Variants in RARB observed in about 807,000 individuals in gnomAD.
RARB encodes HBV-activated protein.
In RARB, 17 loss-of-function variants were observed where a neutral mutation model predicts 51.9. The observed-to-expected ratio is 0.33, with a 90% CI of 0.22 to 0.49. The LOEUF (loss-of-function observed/expected upper bound fraction) is 0.49, where lower values mean the gene tolerates loss of function less well. RARB is among the 20% of genes least tolerant of loss of function. RARB has a pLI of 0.99. For synonymous variants in RARB, 215 were observed against 195.4 expected (o/e 1.10, Z -0.84); for missense variants, 369 against 550.8 (o/e 0.67, Z 3.30).
At chr3:24,958,515 G>C (rs1696072300) in intron 2 of RARB, among the ~76,000 whole-genome samples, 1 of 152,030 alleles carries the variant, frequency 6.6e-6, no homozygotes, top group Non-Finnish European at 1.5e-5. Context: ...AATGCCTGCT[G>C]CTCTCTTTAG....
chr3:25,546,066 C>T (rs938507831), intron 3 of RARB, among the ~76,000 whole-genome samples: 1 of 151,402 alleles, frequency 6.6e-6, no homozygotes, highest in African/African-American at 2.4e-5. Context: ...GAGAGGGCAC[C>T]CAGGCAGAGG....
At chr3:25,486,152 T>C (rs774515814) in intron 2 of RARB, among the ~76,000 whole-genome samples, 3 of 152,206 alleles carry the variant, frequency 2.0e-5, no homozygotes, top group Non-Finnish European at 4.4e-5. Flanking sequence ...AGACTGGGCT[T>C]TCTTTAGCTC....
chr3:25,412,349 G>C (rs1707584786), intron 5 of RARB, among the ~76,000 whole-genome samples: 2 of 152,122 alleles, frequency 1.3e-5, no homozygotes, highest in Admixed American at 1.3e-4. Flanking sequence ...AGGGGGCCTA[G>C]TTATATAGAT....
At chr3:25,462,670 G>A (rs538125307) in intron 2 of RARB, 3 of 152,342 alleles carry the variant, frequency 2.0e-5, no homozygotes, top group South Asian at 2.1e-4. Context: ...AGCAGTTTCA[G>A]CCAAACTCAT....
chr3:25,097,367 A>G lies in RARB; in HGVS notation c.-327-34794A>G, dbSNP rs367710640. The stretch of plus-strand genomic sequence containing the variant: ...TGCAGGTACTAAAAAAGAAAGTAAC[A>G]TGAAAACATTGAGGGGGTTACTTGA... On this transcript the variant is annotated intron_variant, in intron 3 of 11. Transcript: ENST00000383772. 1.8e-4 allele frequency among the ~76,000 whole-genome samples: 27 copies of G among 152,368 alleles called. No homozygotes were observed. In the East Asian group the frequency reaches 3.7e-3, roughly 21 times the overall value.
Position 25,293,597 on chromosome 3 carries a change from T to TAAAA in RARB, c.178+119040_178+119043dup, listed in dbSNP as rs10713675. Among the ~76,000 whole-genome samples the TAAAA allele has an allele frequency of 1.9e-3, 128 of 68,632 alleles. 11 individuals carry two copies. In the East Asian group the frequency reaches 0.022, roughly 12 times the overall value. 45.0% of individuals were successfully genotyped at this position (68,632 alleles called of 152,430 possible). A position where few individuals can be genotyped will look rare whatever the true frequency, so the allele number is the denominator to read the frequency against. On this transcript the variant is annotated intron_variant, in intron 5 of 11. Transcript: ENST00000383772. ...TTCCCGAGGCTAGAGTTACTCCATT[T>TAAAA]AAAAAAAAAAAAAAAAAAAAAGTTC... is the stretch of plus-strand genomic sequence containing the variant.
chr3:25,250,683 G>A (rs1295816190), intron 5 of RARB, among the ~76,000 whole-genome samples: 1 of 152,162 alleles, frequency 6.6e-6, no homozygotes, highest in Non-Finnish European at 1.5e-5. Flanking sequence ...GGACCCCAGG[G>A]TAGGATGCAG....
intron 2 of RARB, among the ~76,000 whole-genome samples, chr3:24,928,495 A>G (rs532246492): frequency 4.1e-4 from 62 of 152,052 alleles, no homozygotes; most frequent in Non-Finnish European, 8.1e-4. Flanking sequence ...TTTATTTTAA[A>G]AGATTATTTT....
intron 5 of RARB, among the ~76,000 whole-genome samples, chr3:25,368,398 T>C (rs1257552680): frequency 6.6e-6 from 1 of 152,158 alleles, no homozygotes; most frequent in Non-Finnish European, 1.5e-5. Flanking sequence ...GGAGAAAAAC[T>C]TAGTATTTCT....
intron 2 of RARB, among the ~76,000 whole-genome samples, chr3:24,928,586 T>A (rs1398640680): frequency 6.6e-6 from 1 of 152,102 alleles, no homozygotes; most frequent in Non-Finnish European, 1.5e-5. Flanking sequence ...TGAAAGTTCT[T>A]TTTTGTGGTT....
At chr3:25,104,302 G>A (rs1376952134) in intron 3 of RARB, among the ~76,000 whole-genome samples, 1 of 152,016 alleles carries the variant, frequency 6.6e-6, no homozygotes, top group East Asian at 1.9e-4. Context: ...AAACCACTTT[G>A]GAAATCTCTC....
intron 5 of RARB, among the ~76,000 whole-genome samples, chr3:25,335,096 A>T (rs914974773): frequency 6.6e-6 from 1 of 152,172 alleles, no homozygotes; most frequent in African/African-American, 2.4e-5. Context: ...GACCCTGGGC[A>T]ACTTCTCTCT....
chr3:25,092,555 C>A (rs975769430), intron 3 of RARB, among the ~76,000 whole-genome samples: 1 of 152,162 alleles, frequency 6.6e-6, no homozygotes, highest in Non-Finnish European at 1.5e-5. Context: ...TAACTCCAGC[C>A]CTCTCCCCAC....
chr3:25,017,554 C>G (rs1015002505), intron 2 of RARB, among the ~76,000 whole-genome samples: 2 of 152,120 alleles, frequency 1.3e-5, no homozygotes, highest in African/African-American at 4.8e-5. Context: ...ACTATCTTAA[C>G]TTCAGCTGTT....
At position 25,428,546 on chromosome 3, in the gene RARB, G is replaced by C; in HGVS notation, c.-186G>C. 2 of 1,282,364 alleles carry C rather than the reference G, an allele frequency of 1.6e-6. No homozygotes were observed. Among genetic ancestry groups the C allele is most frequent in the Non-Finnish European group, 2.0e-6 (2 of 1,013,236 alleles). 79.4% of individuals were successfully genotyped at this position (1,282,364 alleles called of 1,614,324 possible). A position where few individuals can be genotyped will look rare whatever the true frequency, so the allele number is the denominator to read the frequency against. On this transcript the variant is annotated 5_prime_UTR_variant, in exon 1 of 8. Coordinates refer to ENST00000330688, the MANE Select transcript of RARB (RefSeq NM_000965.5). ...CCTGGAAAATGGTAAATGATCATTTGGATCAATTACAGGCTTTTAGCTGGC... is the reference window on the plus strand; with the variant it reads ...CCTGGAAAATGGTAAATGATCATTTCGATCAATTACAGGCTTTTAGCTGGC...
At chr3:25,198,079 T>C (rs117335600) in intron 5 of RARB, among the ~76,000 whole-genome samples, 132 of 152,136 alleles carry the variant, frequency 8.7e-4, no homozygotes, top group Middle Eastern at 3.4e-3. Context: ...AACAGACATA[T>C]AGACCTATGG....
intron 5 of RARB, among the ~76,000 whole-genome samples, chr3:25,349,357 G>C (rs1159268794): frequency 6.6e-6 from 1 of 152,212 alleles, no homozygotes; most frequent in African/African-American, 2.4e-5. Context: ...GCATGTGGCT[G>C]CTGTATGAGG....
chr3:25,488,717 G>A (rs1466769722), intron 2 of RARB, among the ~76,000 whole-genome samples: 1 of 152,182 alleles, frequency 6.6e-6, no homozygotes, highest in Admixed American at 6.5e-5. Flanking sequence ...AATAGAAGAA[G>A]AACAGTACAG....
intron 2 of RARB, among the ~76,000 whole-genome samples, chr3:25,013,149 G>T (rs1697433348): frequency 6.6e-6 from 1 of 152,106 alleles, no homozygotes; most frequent in Non-Finnish European, 1.5e-5. Context: ...AGTGGTTGCA[G>T]ACAGCATTGC....
Sources: gnomAD v4.1 joint callset for allele counts (sites outside exome capture counted in the v4.1 genomes callset) on GRCh38, gnomAD v4.1.1 for gene constraint, MANE v1.5 for transcripts, NCBI Gene and HGNC (gene_info 2026-07-23, HGNC 2026-07-21) for gene names.